Variants in PDZRN3 observed in about 807,000 individuals in gnomAD.
PDZRN3 encodes PDZ domain containing ring finger 3.
A neutral mutation model predicts 85.7 loss-of-function variants in PDZRN3; 38 were observed. The ratio of observed to expected loss-of-function variants is 0.44; its 90% CI spans 0.34 to 0.58. PDZRN3 has a LOEUF of 0.58. PDZRN3 is among the 20% of genes least tolerant of loss of function. The probability of loss-of-function intolerance (pLI) is 0.01; values close to 1 mark genes in which losing one functional copy is unlikely to be tolerated. For missense variants in PDZRN3, 1,629 were observed against 1,506.4 expected (o/e 1.08, Z -1.35); for synonymous variants, 759 against 638.0 (o/e 1.19, Z -2.86).
chr3:73,447,004 T>G (rs950674320), intron 3 of PDZRN3, among the ~76,000 whole-genome samples: 1 of 149,334 alleles, frequency 6.7e-6, no homozygotes, highest in African/African-American at 2.5e-5. Flanking sequence ...CGGATGGACG[T>G]GAGCTGAACC....
At chr3:73,575,557 C>T (rs1702111114) in intron 3 of PDZRN3, among the ~76,000 whole-genome samples, 1 of 152,132 alleles carries the variant, frequency 6.6e-6, no homozygotes, top group Non-Finnish European at 1.5e-5. Context: ...GTTTACTTTA[C>T]AGTTGGGACA....
intron 3 of PDZRN3, among the ~76,000 whole-genome samples, chr3:73,540,308 T>C (rs1704889822): frequency 6.6e-6 from 1 of 152,158 alleles, no homozygotes; most frequent in South Asian, 2.1e-4. Context: ...AACATTTACA[T>C]ATTCTGTTCA....
chr3:73,470,809 G>A lies in PDZRN3; in HGVS notation c.919-66414C>T, dbSNP rs542940875. On this transcript the variant is annotated intron_variant, in intron 3 of 9. Coordinates refer to ENST00000263666, the MANE Select transcript of PDZRN3 (RefSeq NM_015009.3). ...TCATTCCGACCAACTAGTCCCAAAC[G>A]GACATTTTTGAGATCCATTGTTAGT... Among the ~76,000 whole-genome samples, 4 of 152,148 alleles carry A rather than the reference G, an allele frequency of 2.6e-5. No homozygotes were observed. In the South Asian group the frequency reaches 6.2e-4, roughly 24 times the overall value.
At chr3:73,569,478 G>A in intron 3 of PDZRN3, 1 of 1,096,486 alleles carries the variant, frequency 9.1e-7, no homozygotes, top group Non-Finnish European at 1.1e-6. Context: ...AATTTCCACT[G>A]CACAGAATGC....
intron 3 of PDZRN3, among the ~76,000 whole-genome samples, chr3:73,411,559 G>C (rs549824969): frequency 1.1e-3 from 175 of 152,274 alleles, no homozygotes; most frequent in African/African-American, 4.1e-3. Context: ...GCTCGTATGG[G>C]CTGGTGGTGG....
chr3:73,503,862 A>G (rs1704024707), intron 3 of PDZRN3, among the ~76,000 whole-genome samples: 1 of 152,208 alleles, frequency 6.6e-6, no homozygotes, highest in Admixed American at 6.5e-5. Flanking sequence ...GCTCTCTGAC[A>G]CATAGGAAAG....
intron 3 of PDZRN3, among the ~76,000 whole-genome samples, chr3:73,527,631 G>T (rs998942402): frequency 1.4e-4 from 22 of 151,902 alleles, no homozygotes; most frequent in Admixed American, 1.4e-3. Flanking sequence ...GAATTCTCAG[G>T]TCTATGAATA....
intron 3 of PDZRN3, among the ~76,000 whole-genome samples, chr3:73,475,115 A>T (rs1703423586): frequency 6.6e-6 from 1 of 152,146 alleles, no homozygotes; most frequent in Non-Finnish European, 1.5e-5. Context: ...TCTACACAGA[A>T]GAAAGGGAAT....
intron 5 of PDZRN3, among the ~76,000 whole-genome samples, chr3:73,395,012 G>A (rs753545608): frequency 5.3e-5 from 8 of 152,314 alleles, no homozygotes; most frequent in East Asian, 3.9e-4. Flanking sequence ...TGCACAGTAG[G>A]TGCTCAATAA....
chr3:73,439,817 C>T (rs991208250), intron 3 of PDZRN3, among the ~76,000 whole-genome samples: 19 of 151,956 alleles, frequency 1.3e-4, no homozygotes, highest in Non-Finnish European at 2.2e-4. Context: ...CGGCTCACTG[C>T]AACCTCCACC....
intron 1 of PDZRN3, among the ~76,000 whole-genome samples, chr3:73,609,334 C>G (rs4676939): frequency 3.9e-5 from 6 of 152,020 alleles, no homozygotes; most frequent in African/African-American, 1.4e-4. Context: ...GTCAATGTGA[C>G]CTTTAAATCA....
At chr3:73,528,442 A>G (rs1281304217) in intron 3 of PDZRN3, among the ~76,000 whole-genome samples, 1 of 152,176 alleles carries the variant, frequency 6.6e-6, no homozygotes, top group Non-Finnish European at 1.5e-5. Flanking sequence ...AGTTAGAGTA[A>G]TGTTACCAAA....
intron 3 of PDZRN3, among the ~76,000 whole-genome samples, chr3:73,546,562 GC>G (rs1276655202): frequency 2.6e-5 from 4 of 152,170 alleles, no homozygotes; most frequent in African/African-American, 7.2e-5. Context: ...TTTTGTAATG[GC>G]TTCCCCTGCC....
At chr3:73,588,504 G>A (rs1381203647) in intron 3 of PDZRN3, among the ~76,000 whole-genome samples, 2 of 152,148 alleles carry the variant, frequency 1.3e-5, no homozygotes, top group African/African-American at 4.8e-5. Flanking sequence ...CAGATCGGGA[G>A]CAGAATGGGA....
At chr3:73,538,839 G>A (rs773642135) in intron 3 of PDZRN3, among the ~76,000 whole-genome samples, 7 of 152,108 alleles carry the variant, frequency 4.6e-5, no homozygotes, top group Non-Finnish European at 7.3e-5. Context: ...CATAAGAGAC[G>A]TTTGCTAATT....
chr3:73,530,204 G>C (rs529403450), intron 3 of PDZRN3, among the ~76,000 whole-genome samples: 10 of 152,272 alleles, frequency 6.6e-5, no homozygotes, highest in Admixed American at 6.5e-4. Context: ...TGAAGTTAAC[G>C]CTGGAATGCT....
chr3:73,384,138 A>G lies in PDZRN3; in HGVS notation c.2428T>C (p.Ser810Pro). Reference sequence around the variant, plus strand: ...CCCACTTCGGGATCTTCCGTGATGGAGAGCAGATTCTTGGAGGCTGGCCCG... The same window carrying G: ...CCCACTTCGGGATCTTCCGTGATGGGGAGCAGATTCTTGGAGGCTGGCCCG... ...AYGPASKNLL[S>P]ITEDPEVGTP... The change falls in exon 10 of 10, where the codon TCC becomes CCC. Residue 810 changes from serine to proline, a missense_variant. Ser to Pro is a moderately conservative substitution (Grantham distance 74, BLOSUM62 -1). Coordinates refer to ENST00000263666, the MANE Select transcript of PDZRN3 (RefSeq NM_015009.3). 4 of 1,614,080 alleles carry G rather than the reference A, an allele frequency of 2.5e-6. No individual in the cohort carries two copies. The highest frequency in any genetic ancestry group is 3.4e-6 in the Non-Finnish European group (4 of 1,180,004).
intron 3 of PDZRN3, among the ~76,000 whole-genome samples, chr3:73,563,417 C>T (rs1452570293): frequency 1.3e-5 from 2 of 150,458 alleles, no homozygotes; most frequent in Admixed American, 6.7e-5. Context: ...TAAGCAGACC[C>T]GTAGAAGGAA....
At position 73,383,956 on chromosome 3, in the gene PDZRN3, G is replaced by T. The variant is rs752305105; in HGVS notation, c.2610C>A (p.His870Gln). 1 of 1,600,538 alleles carries T rather than the reference G, an allele frequency of 6.2e-7. No individual in the cohort carries two copies. The highest frequency in any genetic ancestry group is 8.5e-7 in the Non-Finnish European group (1 of 1,174,288). ...GCTGGGCGTGCGCCGGGATGTGCGC[G>T]TGCTTGTATGGGGAGTGGTGATAGG... is the stretch of plus-strand genomic sequence containing the variant. ...LPSYHHSPYK[H>Q]AHIPAHAQHY... is the part of the protein sequence containing the mutation. Residue 870 changes from histidine (H) to glutamine (Q), a missense_variant, in exon 10 of 10, where the codon CAC becomes CAA. Physicochemically the swap from His to Gln is conservative, Grantham distance 24. Transcript: ENST00000263666.
Sources: gnomAD v4.1 joint callset for allele counts (sites outside exome capture counted in the v4.1 genomes callset) on GRCh38, gnomAD v4.1.1 for gene constraint, MANE v1.5 for transcripts, NCBI Gene and HGNC (gene_info 2026-07-23, HGNC 2026-07-21) for gene names.